CIDEC: variants seen among roughly 807,000 people sequenced by gnomAD.
The protein encoded by CIDEC is cell death inducing DFFA like effector c.
CIDEC carries 11 observed loss-of-function variants against 21.9 expected under a neutral mutation model. The ratio of observed to expected loss-of-function variants is 0.50; its 90% CI spans 0.32 to 0.83. The LOEUF (loss-of-function observed/expected upper bound fraction) is 0.83. Ranked by LOEUF, CIDEC falls within the 40% of genes least tolerant of loss-of-function variation. The pLI is 0.04. For missense variants in CIDEC, 302 were observed against 302.3 expected (o/e 1.00, Z 0.01); for synonymous variants, 127 against 124.9 (o/e 1.02, Z -0.11).
At chr3:9,876,095 A>G (rs1286000277) in intron 4 of CIDEC, among the ~76,000 whole-genome samples, 1 of 152,236 alleles carries the variant, frequency 6.6e-6, no homozygotes, top group Non-Finnish European at 1.5e-5. Flanking sequence ...TGTTAAATAG[A>G]GCCTAATAAT....
At chr3:9,875,962 T>C (rs1275697895) in intron 4 of CIDEC, among the ~76,000 whole-genome samples, 5 of 152,146 alleles carry the variant, frequency 3.3e-5, no homozygotes, top group Admixed American at 6.5e-5. Flanking sequence ...ACAAGAAATG[T>C]AGTCTGCGCA....
chr3:9,877,407 T>A (rs1003420722), intron 3 of CIDEC, among the ~76,000 whole-genome samples, 188 bp from the exon 4 acceptor site: 1 of 152,180 alleles, frequency 6.6e-6, no homozygotes, highest in Non-Finnish European at 1.5e-5. Context: ...ATGTCTGTAA[T>A]CCCACACTTT....
At chr3:9,878,918 C>T in intron 2 of CIDEC, 24 bp downstream of exon 2, 2 of 1,067,852 alleles carry the variant, frequency 1.9e-6, no homozygotes, top group South Asian at 2.7e-5. Context: ...CACCACCTCA[C>T]ACTTCTGGGG....
At chr3:9,877,575 G>C (rs555451900) in intron 3 of CIDEC, among the ~76,000 whole-genome samples, 3 of 152,212 alleles carry the variant, frequency 2.0e-5, no homozygotes, top group African/African-American at 7.2e-5. Flanking sequence ...AGAATTGCTT[G>C]AACCCTGGGA....
intron 3 of CIDEC, among the ~76,000 whole-genome samples, chr3:9,877,659 T>TA (rs1296854608): frequency 2.6e-5 from 4 of 151,058 alleles, no homozygotes; most frequent in Admixed American, 6.6e-5. Flanking sequence ...GACCTCGACT[T>TA]AAAAAAAAAT....
chr3:9,873,691 C>A (rs2082381540), intron 4 of CIDEC, among the ~76,000 whole-genome samples: 1 of 152,194 alleles, frequency 6.6e-6, no homozygotes, highest in Non-Finnish European at 1.5e-5. Flanking sequence ...TGCACTTGGC[C>A]TCTGCCTCTG....
intron 4 of CIDEC, among the ~76,000 whole-genome samples, chr3:9,873,961 C>T (rs1267758784): frequency 2.6e-5 from 4 of 152,076 alleles, no homozygotes; most frequent in African/African-American, 9.7e-5. Context: ...TATCTAGCTC[C>T]CTGGTCTCGG....
intron 1 of CIDEC, among the ~76,000 whole-genome samples, chr3:9,879,823 G>C (rs2082480370): frequency 6.6e-6 from 1 of 152,058 alleles, no homozygotes; most frequent in Non-Finnish European, 1.5e-5. Flanking sequence ...GGTGCCTCTG[G>C]GTCTGTTTCT....
chr3:9,870,233 T>TTGGAA lies in CIDEC; in HGVS notation c.292_296dup (p.Gln99HisfsTer47). 1 of 1,614,136 alleles carries TTGGAA rather than the reference T, an allele frequency of 6.2e-7. No individual in the cohort carries two copies. Among genetic ancestry groups the TTGGAA allele is most frequent in the Non-Finnish European group, 8.5e-7 (1 of 1,180,024 alleles). ...TGAACACTGTATCCCCTGCCAGGGCTTGGAAGTACTCTTCTGTCTCTACAG... is the reference window on the plus strand; with the variant it reads ...TGAACACTGTATCCCCTGCCAGGGCTTGGAATGGAAGTACTCTTCTGTCTCTACAG... On this transcript the variant is annotated frameshift_variant, in exon 5 of 7. Coordinates refer to ENST00000336832, the MANE Select transcript of CIDEC (RefSeq NM_001321142.2). LOFTEE classifies it high-confidence loss of function.
rs966737539 is a variant in CIDEC, at chr3:9,870,051, A to G, written c.385T>C (p.Ser129Pro). Residue 129 changes from serine to proline, a missense_variant, in exon 6 of 7, where the codon TCC (serine) becomes CCC (proline). Physicochemically the swap from Ser to Pro is moderately conservative, Grantham distance 74 (BLOSUM62 -1). Coordinates refer to ENST00000336832, the MANE Select transcript of CIDEC (RefSeq NM_001321142.2). ...TTCTTGGCAGGCTTATGGGAGAGGG[A>G]CAGTGGGTGCCTTGTCCCCTGCATT... ...PSEQGTRHPLSLSHKPAKKID... is the reference protein window; with the variant it reads ...PSEQGTRHPLPLSHKPAKKID... The G allele has an allele frequency of 1.4e-5, 23 of 1,614,052 alleles. No homozygotes were observed. The highest frequency in any genetic ancestry group is 1.9e-5 in the Non-Finnish European group (23 of 1,180,042).
intron 6 of CIDEC, among the ~76,000 whole-genome samples, chr3:9,867,973 C>A (rs1175906667): frequency 6.6e-6 from 1 of 151,998 alleles, no homozygotes; most frequent in South Asian, 2.1e-4. Flanking sequence ...GAGTGTACCC[C>A]CTCCCTGCAC....
chr3:9,869,529 C>T (rs975436675), intron 6 of CIDEC, among the ~76,000 whole-genome samples: 10 of 152,178 alleles, frequency 6.6e-5, no homozygotes, highest in African/African-American at 1.9e-4. Context: ...GGATTACAGG[C>T]ATGAGCCACC....
intron 3 of CIDEC, 79 bp from the exon 4 acceptor site, chr3:9,877,298 C>T (rs368873359): frequency 5.3e-6 from 7 of 1,331,990 alleles, no homozygotes; most frequent in Non-Finnish European, 7.4e-6. Context: ...CACCTCCCCA[C>T]CCCTCCTGAC....
At chr3:9,867,401 C>A (rs2082287361) in intron 6 of CIDEC, 105 bp from the exon 7 acceptor site, 2 of 1,199,592 alleles carry the variant, frequency 1.7e-6, no homozygotes, top group South Asian at 1.3e-5. Flanking sequence ...GGGCGGGTAA[C>A]CTGAGGTCAG....
intron 3 of CIDEC, among the ~76,000 whole-genome samples, chr3:9,877,475 C>T (rs1384029050): frequency 6.6e-6 from 1 of 152,178 alleles, no homozygotes; most frequent in Non-Finnish European, 1.5e-5. Context: ...CCCTGGCTAA[C>T]ATGGTGAAAC....
At position 9,877,228 on chromosome 3, in the gene CIDEC, G is replaced by A; in HGVS notation, c.54-9C>T. 6.5e-7 allele frequency: 1 copy of A among 1,549,912 alleles called. No homozygotes were observed. Among genetic ancestry groups the A allele is most frequent in the Non-Finnish European group, 8.7e-7 (1 of 1,146,974 alleles). Reference sequence around the variant, plus strand: ...TACGCACTGACACATGCCTGGGGCAGTTGAAGCATCAGGGTGAGCCACCCA... The same window carrying A: ...TACGCACTGACACATGCCTGGGGCAATTGAAGCATCAGGGTGAGCCACCCA... On this transcript the variant is annotated splice_polypyrimidine_tract_variant and intron_variant, in intron 3 of 6. Coordinates refer to ENST00000336832, the MANE Select transcript of CIDEC (RefSeq NM_001321142.2).
chr3:9,869,270 C>T lies in CIDEC; in HGVS notation c.554+612G>A, dbSNP rs146006815. Reference sequence around the variant, plus strand: ...ACGTGCTTTTTTTTGTTTTTTTTTCCGAGACAGTCTTGCTCTTTTGCCCAG... The same window carrying T: ...ACGTGCTTTTTTTTGTTTTTTTTTCTGAGACAGTCTTGCTCTTTTGCCCAG... On this transcript the variant is annotated intron_variant, in intron 6 of 6. Transcript: ENST00000336832. Among the ~76,000 whole-genome samples, 15 of 149,744 alleles carry T rather than the reference C, an allele frequency of 1.0e-4. No individual in the cohort carries two copies. The East Asian group carries it at 1.8e-3, about 18-fold the overall frequency.
chr3:9,873,990 C>T (rs1470022709), intron 4 of CIDEC, among the ~76,000 whole-genome samples: 1 of 151,964 alleles, frequency 6.6e-6, no homozygotes, highest in African/African-American at 2.4e-5. Context: ...TACCATTCTC[C>T]ACTAAAATGA....
chr3:9,877,075 G>A lies in CIDEC; in HGVS notation c.198C>T (p.Leu66=). The A allele has an allele frequency of 6.4e-7, 1 of 1,551,712 alleles. No homozygotes were observed. Among genetic ancestry groups the A allele is most frequent in the Non-Finnish European group, 8.7e-7 (1 of 1,146,502 alleles). The change falls in exon 4 of 7, where the codon CTC becomes CTT. Residue 66 remains leucine (L), a synonymous_variant. Coordinates refer to ENST00000336832, the MANE Select transcript of CIDEC (RefSeq NM_001321142.2). ...GCGCAGGTGCTCTCACCTTGAGGAG[G>A]AGGTCCTCAAGACTGTAAGCCATGA... ...KGIMAYSLED[L]LLKVRDTLML...
Sources: allele counts gnomAD v4.1 joint callset (sites outside exome capture counted in the v4.1 genomes callset), GRCh38; gene constraint gnomAD v4.1.1; transcripts MANE v1.5; gene names NCBI Gene and HGNC (gene_info 2026-07-23, HGNC 2026-07-21).